The following CNTNAP5 variants were observed in gnomAD, a reference collection of about 807,000 sequenced individuals.
CNTNAP5 encodes contactin associated protein family member 5.
Under a neutral mutation model 150.2 loss-of-function variants are expected in CNTNAP5, and 72 were observed. The observed-to-expected ratio is 0.48, with a 90% CI of 0.40 to 0.58. The LOEUF (loss-of-function observed/expected upper bound fraction) is 0.58. CNTNAP5 is among the 20% of genes least tolerant of loss of function. CNTNAP5 has a pLI of 0.00. For synonymous variants in CNTNAP5, 672 were observed against 619.8 expected, an observed-to-expected ratio of 1.08 and a Z score of -1.25; for missense variants, 1,636 against 1,626.2, an observed-to-expected ratio of 1.01 and a Z score of -0.10.
chr2:124,535,007 G>A (rs1167259944), intron 10 of CNTNAP5, among the ~76,000 whole-genome samples: 1 of 152,132 alleles, frequency 6.6e-6, no homozygotes, highest in African/African-American at 2.4e-5. Context: ...ACGTTGTTCT[G>A]GTGATGGATA....
chr2:124,176,072 G>T (rs138803301), intron 1 of CNTNAP5, among the ~76,000 whole-genome samples: 1 of 152,296 alleles, frequency 6.6e-6, no homozygotes, highest in African/African-American at 2.4e-5. Context: ...CCACAGGAGA[G>T]CTCCAAAGTT....
chr2:124,252,012 A>G (rs1687192061), intron 3 of CNTNAP5, among the ~76,000 whole-genome samples: 1 of 152,118 alleles, frequency 6.6e-6, no homozygotes, highest in Admixed American at 6.5e-5. Context: ...TAGATGAGAG[A>G]AAGGAAAATG....
chr2:124,749,154 G>A (rs1477711220), intron 14 of CNTNAP5, among the ~76,000 whole-genome samples: 1 of 152,256 alleles, frequency 6.6e-6, no homozygotes, highest in Non-Finnish European at 1.5e-5. Context: ...AGATGGTTGT[G>A]CTGCCGTAAA....
chr2:124,275,511 A>G (rs1217277244), intron 3 of CNTNAP5, among the ~76,000 whole-genome samples: 2 of 152,134 alleles, frequency 1.3e-5, no homozygotes, highest in East Asian at 3.9e-4. Context: ...GCATGGGCCC[A>G]GGTCCTGACA....
rs543568057 is a variant in CNTNAP5 at position 124,358,242 on chromosome 2, T to G, written c.382-59201T>G. ...GTTTTCTAGATATACAATCATGTCATCTGCAAACAGGGACAATTTGACTTC... is the reference window on the plus strand; with the variant it reads ...GTTTTCTAGATATACAATCATGTCAGCTGCAAACAGGGACAATTTGACTTC... On this transcript the variant is annotated intron_variant, in intron 3 of 23. Transcript: ENST00000682447. Among the ~76,000 whole-genome samples the G allele has an allele frequency of 5.3e-3, 802 of 152,086 alleles. 6 individuals carry two copies. Among genetic ancestry groups the G allele is most frequent in the Non-Finnish European group, 8.5e-3 (579 of 67,878 alleles).
At chr2:124,306,055 C>T (rs1381957223) in intron 3 of CNTNAP5, among the ~76,000 whole-genome samples, 2 of 152,116 alleles carry the variant, frequency 1.3e-5, no homozygotes, top group African/African-American at 4.8e-5. Context: ...ATTCCGTCTC[C>T]TTAGCATCTT....
intron 1 of CNTNAP5, among the ~76,000 whole-genome samples, chr2:124,167,459 T>C (rs796352392): frequency 2.6e-5 from 4 of 152,322 alleles, no homozygotes; most frequent in African/African-American, 9.6e-5. Context: ...TTCTCACTTT[T>C]CTCAACACTG....
intron 1 of CNTNAP5, among the ~76,000 whole-genome samples, chr2:124,162,676 A>G (rs1159245947): frequency 6.6e-6 from 1 of 152,192 alleles, no homozygotes; most frequent in East Asian, 1.9e-4. Flanking sequence ...TAAGATTAAA[A>G]TTTTTTAAAC....
At chr2:124,831,986 A>G (rs188508453) in intron 19 of CNTNAP5, among the ~76,000 whole-genome samples, 1 of 152,188 alleles carries the variant, frequency 6.6e-6, no homozygotes, top group Non-Finnish European at 1.5e-5. Flanking sequence ...GATAGCTCAG[A>G]AAATTCGGTT....
chr2:124,769,038 A>G (rs1174414774), intron 16 of CNTNAP5, among the ~76,000 whole-genome samples: 1 of 152,180 alleles, frequency 6.6e-6, no homozygotes. Context: ...TATTTATTCC[A>G]TAAATCGACC....
intron 1 of CNTNAP5, among the ~76,000 whole-genome samples, chr2:124,087,890 T>C (rs1210131611): frequency 1.3e-5 from 2 of 152,224 alleles, no homozygotes; most frequent in East Asian, 3.9e-4. Context: ...TGTTTTTCTT[T>C]GTTTTTAAAA....
At chr2:124,305,975 T>C (rs1688681082) in intron 3 of CNTNAP5, among the ~76,000 whole-genome samples, 1 of 152,222 alleles carries the variant, frequency 6.6e-6, no homozygotes, top group Non-Finnish European at 1.5e-5. Flanking sequence ...ATATTGTTTT[T>C]AATCAGGTCT....
Position 124,763,712 on chromosome 2 carries a change from C to T in CNTNAP5, c.2275C>T (p.Pro759Ser). The change falls in exon 15 of 24, where the codon CCT (proline) becomes TCT (serine). Residue 759 changes from proline to serine, a missense_variant. Coordinates refer to ENST00000682447, the MANE Select transcript of CNTNAP5 (RefSeq NM_001367498.1). ...TGFLSFKDHLPVTQIVITDTD... is the reference protein window; with the variant it reads ...TGFLSFKDHLSVTQIVITDTD... ...CTTTCTTTCCTTCAAAGACCACTTG[C>T]CTGTCACTCAGATAGTTATCACTGA... is the stretch of plus-strand genomic sequence containing the variant. 1 of 1,612,854 alleles carries T rather than the reference C, an allele frequency of 6.2e-7. No homozygotes were observed. Among genetic ancestry groups the T allele is most frequent in the Non-Finnish European group, 8.5e-7 (1 of 1,179,308 alleles).
At chr2:124,089,463 A>G (rs962805934) in intron 1 of CNTNAP5, among the ~76,000 whole-genome samples, 1 of 152,112 alleles carries the variant, frequency 6.6e-6, no homozygotes, top group African/African-American at 2.4e-5. Flanking sequence ...AAAAGGAGAG[A>G]GCTGGAATTT....
intron 21 of CNTNAP5, among the ~76,000 whole-genome samples, chr2:124,895,469 T>A (rs1678283971): frequency 6.6e-6 from 1 of 151,240 alleles, no homozygotes; most frequent in South Asian, 2.1e-4. Flanking sequence ...CACAACAAAT[T>A]TTAAAAAGTA....
chr2:124,178,437 G>C (rs1685121613), intron 1 of CNTNAP5, among the ~76,000 whole-genome samples: 1 of 152,186 alleles, frequency 6.6e-6, no homozygotes, highest in African/African-American at 2.4e-5. Flanking sequence ...AGGACTACAA[G>C]CTAGGCTGAG....
chr2:124,150,970 C>T (rs1330313060), intron 1 of CNTNAP5, among the ~76,000 whole-genome samples: 1 of 152,114 alleles, frequency 6.6e-6, no homozygotes, highest in Non-Finnish European at 1.5e-5. Flanking sequence ...CTATTTAACA[C>T]CTACTACATA....
intron 13 of CNTNAP5, among the ~76,000 whole-genome samples, chr2:124,681,967 T>TA (rs1224733958): frequency 6.6e-6 from 1 of 152,172 alleles, no homozygotes; most frequent in Non-Finnish European, 1.5e-5. Flanking sequence ...GGTCAGATTT[T>TA]AAAAAATGCT....
At chr2:124,510,401 G>A (rs1694548951) in intron 8 of CNTNAP5, among the ~76,000 whole-genome samples, 1 of 82,806 alleles carries the variant, frequency 1.2e-5, no homozygotes, top group African/African-American at 4.9e-5. Flanking sequence ...ATATTCATTG[G>A]CCACTGCACT....
Sources: gnomAD v4.1 joint callset for allele counts (sites outside exome capture counted in the v4.1 genomes callset) on GRCh38, gnomAD v4.1.1 for gene constraint, MANE v1.5 for transcripts, NCBI Gene and HGNC (gene_info 2026-07-23, HGNC 2026-07-21) for gene names.